FRMPD4: variants seen among roughly 807,000 people sequenced by gnomAD.
FRMPD4 encodes the protein FERM and PDZ domain containing 4.
FRMPD4 carries 22 observed loss-of-function variants against 94.1 expected under a neutral mutation model. That is an observed-to-expected ratio of 0.23 (90% CI 0.17 to 0.33). The LOEUF (loss-of-function observed/expected upper bound fraction) is 0.33. Ranked by LOEUF, FRMPD4 falls within the 10% of genes least tolerant of loss-of-function variation. FRMPD4 has a pLI of 1.00. For missense variants in FRMPD4, 1,111 were observed against 1,339.9 expected, an observed-to-expected ratio of 0.83 and a Z score of 2.67; for synonymous variants, 631 against 548.6, an observed-to-expected ratio of 1.15 and a Z score of -2.10.
intron 1 of FRMPD4, among the ~76,000 whole-genome samples, chrX:12,458,022 A>G (rs777169703): frequency 8.1e-5 from 9 of 111,716 alleles, no homozygotes; most frequent in Non-Finnish European, 1.3e-4. Flanking sequence ...AATTTGTACA[A>G]TGTAATTTAT....
intron 3 of FRMPD4, among the ~76,000 whole-genome samples, chrX:11,990,815 C>A (rs1288888200): frequency 9.0e-6 from 1 of 111,662 alleles, no homozygotes; most frequent in Non-Finnish European, 1.9e-5. Flanking sequence ...GGAGCTAGGT[C>A]CTCTACACAG....
chrX:11,876,431 C>A (rs1048306563), intron 2 of FRMPD4, among the ~76,000 whole-genome samples: 1 of 109,890 alleles, frequency 9.1e-6, no homozygotes, highest in Non-Finnish European at 1.9e-5. Flanking sequence ...CACAATTGGG[C>A]TCAAGATTTA....
chrX:12,638,058 T>C (rs1009404241), intron 4 of FRMPD4, among the ~76,000 whole-genome samples: 2 of 112,030 alleles, frequency 1.8e-5, no homozygotes, highest in African/African-American at 6.5e-5. Flanking sequence ...ATTCTTCTAT[T>C]GTTTAACGTG....
At chrX:11,898,018 T>C (rs1194872131) in intron 3 of FRMPD4, among the ~76,000 whole-genome samples, 1 of 110,960 alleles carries the variant, frequency 9.0e-6, no homozygotes, top group Admixed American at 9.6e-5. Context: ...TGCAGATAAA[T>C]GGGGACAGAG....
intron 3 of FRMPD4, among the ~76,000 whole-genome samples, chrX:12,072,738 T>C (rs112036144): frequency 0.019 from 2,079 of 111,480 alleles, 13 homozygotes; most frequent in African/African-American, 0.028. Context: ...ACAGAGCATG[T>C]CACAATAAAC....
chrX:12,165,449 G>A (rs1466691657), intron 1 of FRMPD4, among the ~76,000 whole-genome samples: 1 of 111,700 alleles, frequency 9.0e-6, no homozygotes, highest in Admixed American at 9.5e-5. Flanking sequence ...TTTGGTTACT[G>A]TAGCCTTGTA....
intron 3 of FRMPD4, among the ~76,000 whole-genome samples, chrX:12,131,749 T>C (rs1398822054): frequency 8.9e-6 from 1 of 112,241 alleles, no homozygotes; most frequent in Non-Finnish European, 1.9e-5. Context: ...ATGCTTCCTA[T>C]AATAATCCTC....
chrX:12,579,222 G>GT (rs971953103), intron 2 of FRMPD4, among the ~76,000 whole-genome samples: 10 of 112,093 alleles, frequency 8.9e-5, no homozygotes, highest in Non-Finnish European at 1.5e-4. Context: ...CTCAAAATCG[G>GT]TTTTTTCCAT....
At chrX:12,581,372 G>T (rs1263346691) in intron 2 of FRMPD4, among the ~76,000 whole-genome samples, 2 of 111,702 alleles carry the variant, frequency 1.8e-5, no homozygotes, top group African/African-American at 6.5e-5. Context: ...TAAAATATAT[G>T]TGTAATAAAT....
At chrX:11,934,274 C>CT (rs894682503) in intron 3 of FRMPD4, among the ~76,000 whole-genome samples, 8 of 112,070 alleles carry the variant, frequency 7.1e-5, no homozygotes, top group African/African-American at 2.6e-4. Flanking sequence ...GGAAAGTGTG[C>CT]TTGAGTTCTC....
chrX:12,052,328 C>T (rs2054823003), intron 3 of FRMPD4, among the ~76,000 whole-genome samples: 1 of 111,537 alleles, frequency 9.0e-6, no homozygotes, highest in Non-Finnish European at 1.9e-5. Context: ...TTGTTTTCTG[C>T]CTAGAGCTTG....
chrX:11,969,291 A>G (rs1211905830), intron 3 of FRMPD4, among the ~76,000 whole-genome samples: 1 of 112,249 alleles, frequency 8.9e-6, no homozygotes, highest in African/African-American at 3.2e-5. Flanking sequence ...GATCTCTAGT[A>G]TAGCCCCTAC....
At chrX:12,236,338 C>T (rs2057070274) in intron 1 of FRMPD4, among the ~76,000 whole-genome samples, 1 of 111,363 alleles carries the variant, frequency 9.0e-6, no homozygotes, top group South Asian at 3.8e-4. Context: ...GCCAAGTTTG[C>T]TCAACAGTTT....
intron 2 of FRMPD4, among the ~76,000 whole-genome samples, chrX:12,538,213 A>G (rs1263935996): frequency 2.7e-5 from 3 of 111,384 alleles, no homozygotes; most frequent in African/African-American, 9.8e-5. Context: ...TCCCATGCCC[A>G]CGGAGCTTCA....
chrX:12,313,112 A>G (rs1287388945), intron 1 of FRMPD4, among the ~76,000 whole-genome samples: 5 of 112,099 alleles, frequency 4.5e-5, no homozygotes, highest in Non-Finnish European at 7.5e-5. Flanking sequence ...CTGAGAAGTA[A>G]TAATTAACAA....
intron 1 of FRMPD4, among the ~76,000 whole-genome samples, chrX:11,829,888 A>G (rs1045520202): frequency 3.6e-5 from 4 of 112,387 alleles, no homozygotes; most frequent in Non-Finnish European, 7.5e-5. Context: ...AAACAAAACT[A>G]TATCGTCTTT....
intron 1 of FRMPD4, among the ~76,000 whole-genome samples, chrX:12,166,463 T>C (rs2056119923): frequency 1.8e-5 from 2 of 111,713 alleles, no homozygotes; most frequent in South Asian, 3.8e-4. Context: ...CAGTATTTTA[T>C]TGAGGATTTT....
At chrX:12,127,974 A>G (rs764113738) in intron 3 of FRMPD4, among the ~76,000 whole-genome samples, 13 of 112,894 alleles carry the variant, frequency 1.2e-4, no homozygotes, top group Admixed American at 2.8e-4. Flanking sequence ...ATGTGGGCTC[A>G]CAAGACCTTG....
intron 3 of FRMPD4, among the ~76,000 whole-genome samples, chrX:12,016,692 A>G (rs190655320): frequency 5.3e-5 from 6 of 112,485 alleles, no homozygotes; most frequent in African/African-American, 1.3e-4. Flanking sequence ...TACATTGCCA[A>G]CAAATGGAAA....
Sources: gnomAD v4.1 joint callset for allele counts (sites outside exome capture counted in the v4.1 genomes callset) on GRCh38, gnomAD v4.1.1 for gene constraint, MANE v1.5 for transcripts, NCBI Gene and HGNC (gene_info 2026-07-23, HGNC 2026-07-21) for gene names.